Variants in SLC24A2 observed in about 807,000 individuals in gnomAD.
The protein encoded by SLC24A2 is solute carrier family 24 member 2.
A neutral mutation model predicts 62.0 loss-of-function variants in SLC24A2; 36 were observed. The observed-to-expected ratio is 0.58, with a 90% CI of 0.44 to 0.77. The LOEUF (loss-of-function observed/expected upper bound fraction) is 0.77, where lower values mean the gene tolerates loss of function less well. Ranked by LOEUF, SLC24A2 falls within the 30% of genes least tolerant of loss-of-function variation. The pLI is 0.00. For missense variants in SLC24A2, 846 were observed against 817.9 expected (o/e 1.03, Z -0.42); for synonymous variants, 358 against 294.0 (o/e 1.22, Z -2.23).
chr9:19,781,525 G>C (rs1823020512), intron 2 of SLC24A2, among the ~76,000 whole-genome samples: 1 of 152,138 alleles, frequency 6.6e-6, no homozygotes, highest in African/African-American at 2.4e-5. Flanking sequence ...GGGCCCTTCT[G>C]GGTCTCTCAA....
the SLC24A2 span, among the ~76,000 whole-genome samples, chr9:19,865,251 A>T: frequency 6.6e-6 from 1 of 152,138 alleles, no homozygotes; most frequent in Non-Finnish European, 1.5e-5. Context: ...TAAAATGTCC[A>T]TACTATCCAA....
At chr9:19,770,025 C>G (rs1011139588) in intron 2 of SLC24A2, among the ~76,000 whole-genome samples, 7 of 151,250 alleles carry the variant, frequency 4.6e-5, no homozygotes, top group Admixed American at 3.3e-4. Flanking sequence ...AGTTAGGTTT[C>G]CAGGCTCATA....
At chr9:19,584,626 A>G (rs779506983) in intron 5 of SLC24A2, among the ~76,000 whole-genome samples, 1 of 151,158 alleles carries the variant, frequency 6.6e-6, no homozygotes, top group Non-Finnish European at 1.5e-5. Flanking sequence ...AAAAGCAAAA[A>G]TTTTTTTTTT....
chr9:20,306,095 G>A, the SLC24A2 span, among the ~76,000 whole-genome samples: 1 of 152,136 alleles, frequency 6.6e-6, no homozygotes, highest in East Asian at 1.9e-4. Context: ...TGAGGTACTA[G>A]GGGTTAAGAC....
the SLC24A2 span, among the ~76,000 whole-genome samples, chr9:19,864,558 T>A: frequency 6.6e-6 from 1 of 152,064 alleles, no homozygotes; most frequent in East Asian, 1.9e-4. Flanking sequence ...ATTAATGTGA[T>A]ACATGATATC....
intron 2 of SLC24A2, among the ~76,000 whole-genome samples, chr9:19,657,480 C>T (rs1221156897): frequency 6.6e-6 from 1 of 152,030 alleles, no homozygotes; most frequent in Non-Finnish European, 1.5e-5. Context: ...ACCCATCAAC[C>T]TGTCATCTAG....
the SLC24A2 span, among the ~76,000 whole-genome samples, chr9:19,964,712 G>T: frequency 3.9e-5 from 6 of 152,206 alleles, no homozygotes; most frequent in African/African-American, 2.4e-5. Context: ...GGAAGCAGTG[G>T]CCATTTCTTA....
At position 19,785,740 on chromosome 9, in the gene SLC24A2, G is replaced by C. The variant is rs1823144889; in HGVS notation, c.930+197C>G. Among the ~76,000 whole-genome samples, 3 of 152,182 alleles carry C rather than the reference G, an allele frequency of 2.0e-5. No individual in the cohort carries two copies. In the South Asian group the frequency reaches 6.2e-4, roughly 32 times the overall value. On this transcript the variant is annotated intron_variant, in intron 2 of 10. Coordinates refer to ENST00000341998, the MANE Select transcript of SLC24A2 (RefSeq NM_020344.4). Reference sequence around the variant, plus strand: ...CTGAAGCAAGTAGCTGAGGAACTTAGTAAACATCTGCAAGAATACCCCAAA... The same window carrying C: ...CTGAAGCAAGTAGCTGAGGAACTTACTAAACATCTGCAAGAATACCCCAAA...
chr9:19,916,528 T>C, the SLC24A2 span, among the ~76,000 whole-genome samples: 1 of 152,046 alleles, frequency 6.6e-6, no homozygotes, highest in Non-Finnish European at 1.5e-5. Flanking sequence ...AGCATTTCCT[T>C]CCACTTTTAC....
the SLC24A2 span, among the ~76,000 whole-genome samples, chr9:20,240,658 T>C: frequency 6.6e-6 from 1 of 152,106 alleles, no homozygotes; most frequent in Non-Finnish European, 1.5e-5. Flanking sequence ...AGCGGGGTTT[T>C]AAATGACTAG....
intron 2 of SLC24A2, among the ~76,000 whole-genome samples, chr9:19,770,517 T>C (rs539673643): frequency 4.8e-4 from 73 of 152,272 alleles, no homozygotes; most frequent in Admixed American, 1.5e-3. Context: ...ATGTCTGCAG[T>C]TTTGTTCTAG....
the SLC24A2 span, among the ~76,000 whole-genome samples, chr9:19,960,566 A>G: frequency 6.6e-6 from 1 of 152,222 alleles, no homozygotes; most frequent in Admixed American, 6.5e-5. Context: ...TCTCACCCAT[A>G]AAATGGGGGT....
At chr9:19,673,761 T>C (rs914414175) in intron 2 of SLC24A2, among the ~76,000 whole-genome samples, 1 of 152,278 alleles carries the variant, frequency 6.6e-6, no homozygotes, top group East Asian at 1.9e-4. Flanking sequence ...TGAGTTCTTA[T>C]GTGTTAGGTG....
chr9:19,548,341 G>A (rs1201967780), intron 8 of SLC24A2, among the ~76,000 whole-genome samples: 3 of 152,082 alleles, frequency 2.0e-5, no homozygotes, highest in African/African-American at 7.2e-5. Flanking sequence ...TGGTCACATA[G>A]ACCTGGGTCT....
chr9:19,672,027 C>T (rs1404551781), intron 2 of SLC24A2, among the ~76,000 whole-genome samples: 1 of 145,200 alleles, frequency 6.9e-6, no homozygotes, highest in East Asian at 1.9e-4. Flanking sequence ...TTTTTTGTTA[C>T]GTCCTTTCCT....
the SLC24A2 span, among the ~76,000 whole-genome samples, chr9:20,040,155 T>C: frequency 6.6e-6 from 1 of 152,348 alleles, no homozygotes; most frequent in Middle Eastern, 3.4e-3. Flanking sequence ...TCATTCAACA[T>C]GTAACCAACA....
the SLC24A2 span, among the ~76,000 whole-genome samples, chr9:20,263,866 C>CA: frequency 2.3e-5 from 2 of 85,952 alleles, no homozygotes; most frequent in South Asian, 7.2e-4. Flanking sequence ...CACCCGCCCC[C>CA]CCCCCCCCAT....
At position 19,788,923 on chromosome 9, in the gene SLC24A2, C is replaced by A. The variant is rs1028908549; in HGVS notation, c.-192G>T. On this transcript the variant is annotated 5_prime_UTR_variant, in exon 1 of 11. Coordinates refer to ENST00000341998, the MANE Select transcript of SLC24A2 (RefSeq NM_020344.4). The stretch of plus-strand genomic sequence containing the variant: ...GAGGACGCGCACACGGCGGGGCCCC[C>A]GAGCGCGGCCCGCCGCTCCAGTCCG... 3.0e-6 allele frequency: 3 copies of A among 985,008 alleles called. No individual in the cohort carries two copies. Among genetic ancestry groups the A allele is most frequent in the Non-Finnish European group, 3.6e-6 (3 of 829,688 alleles). The allele number at this position is 985,008 out of a possible 1,614,324, so 61.0% of individuals were successfully genotyped here. A position where few individuals can be genotyped will look rare whatever the true frequency, so the allele number is the denominator to read the frequency against.
the SLC24A2 span, among the ~76,000 whole-genome samples, chr9:20,083,046 G>A: frequency 6.6e-6 from 1 of 152,216 alleles, no homozygotes. Flanking sequence ...ATACTACAGT[G>A]CCGGGGTCAT....
Sources: allele counts gnomAD v4.1 joint callset (sites outside exome capture counted in the v4.1 genomes callset), GRCh38; gene constraint gnomAD v4.1.1; transcripts MANE v1.5; gene names NCBI Gene and HGNC (gene_info 2026-07-23, HGNC 2026-07-21).